Variants in PRRX1 observed in about 807,000 individuals in gnomAD.
The protein encoded by PRRX1 is paired related homeobox 1, also known as paired mesoderm homeobox protein 1.
In PRRX1, 8 loss-of-function variants were observed where a neutral mutation model predicts 24.0. That is an observed-to-expected ratio of 0.33 (90% confidence interval 0.20 to 0.60). The LOEUF (loss-of-function observed/expected upper bound fraction) is 0.60, where lower values mean the gene tolerates loss of function less well. Among genes scored for constraint, PRRX1 ranks in the 20% least tolerant of loss-of-function variants. The probability of loss-of-function intolerance (pLI) is 0.82; values close to 1 mark genes in which losing one functional copy is unlikely to be tolerated. For synonymous variants in PRRX1, 160 were observed against 131.7 expected (o/e 1.22, Z -1.47); for missense variants, 281 against 322.4 (o/e 0.87, Z 0.98).
intron 1 of PRRX1, chr1:170,669,402 T>C (rs1022415459): frequency 2.2e-5 from 2 of 90,930 alleles, no homozygotes; most frequent in African/African-American, 9.7e-5. Context: ...ACCAACAAGA[T>C]GTCACCTTCA....
At chr1:170,676,542 AT>A (rs1653326655) in intron 1 of PRRX1, among the ~76,000 whole-genome samples, 1 of 152,146 alleles carries the variant, frequency 6.6e-6, no homozygotes, top group Non-Finnish European at 1.5e-5. Context: ...GTCATAAAGA[AT>A]TAATAAAATT....
chr1:170,688,558 A>G (rs866642652), intron 1 of PRRX1, among the ~76,000 whole-genome samples: 44 of 152,284 alleles, frequency 2.9e-4, no homozygotes, highest in African/African-American at 9.6e-4. Context: ...TTTAAAAGGT[A>G]TGAATATTGA....
rs530805945 is a variant in PRRX1, at chr1:170,684,182, C to T, written c.241+19723C>T. On this transcript the variant is annotated intron_variant, in intron 1 of 3. Transcript: ENST00000239461. ...TTTTCCCTATCACTCAATGGTCCCTCGTGCTCTCAGGTGGCACCTGCTCAA... is the reference window on the plus strand; with the variant it reads ...TTTTCCCTATCACTCAATGGTCCCTTGTGCTCTCAGGTGGCACCTGCTCAA... Among the ~76,000 whole-genome samples the T allele has an allele frequency of 1.1e-4, 17 of 152,316 alleles. No individual in the cohort carries two copies. In the South Asian group the frequency reaches 3.3e-3, roughly 30 times the overall value.
At chr1:170,710,976 T>G (rs1387083996) in intron 1 of PRRX1, among the ~76,000 whole-genome samples, 1 of 152,224 alleles carries the variant, frequency 6.6e-6, no homozygotes, top group Non-Finnish European at 1.5e-5. Flanking sequence ...ATACAGAAAT[T>G]GAAAGCTTCA....
intron 3 of PRRX1, chr1:170,728,854 A>G (rs1285539180): frequency 6.6e-6 from 1 of 152,242 alleles, no homozygotes; most frequent in Non-Finnish European, 1.5e-5. Context: ...GATAGGAAAT[A>G]TTGTTAAGGA....
chr1:170,674,182 C>CCTCTCT (rs144071005), intron 1 of PRRX1, among the ~76,000 whole-genome samples: 1 of 149,462 alleles, frequency 6.7e-6, no homozygotes, highest in Non-Finnish European at 1.5e-5. Context: ...CTGCCTGATA[C>CCTCTCT]CTCTCTCTCT....
rs187691739 is a variant in PRRX1, at chr1:170,708,426, G to T, written c.242-11300G>T. Among the ~76,000 whole-genome samples, 134 of 152,190 alleles carry T rather than the reference G, an allele frequency of 8.8e-4. 1 individual carries two copies. Among genetic ancestry groups the T allele is most frequent in the African/African-American group, 3.0e-3 (126 of 41,514 alleles). ...CACCATATAATTAAGGCTTAGGTGT[G>T]GTTGACAGGCCGTAATGTTCCTGTA... On this transcript the variant is annotated intron_variant, in intron 1 of 3. Coordinates refer to ENST00000239461, the MANE Select transcript of PRRX1 (RefSeq NM_022716.4).
Position 170,719,827 on chromosome 1 carries a change from C to T in PRRX1, c.343C>T (p.Arg115Trp), listed in dbSNP as rs756620309. 17 of 1,614,040 alleles carry T rather than the reference C, an allele frequency of 1.1e-5. No homozygotes were observed. Among genetic ancestry groups the T allele is most frequent in the Middle Eastern group, 3.3e-4 (2 of 6,082 alleles). ...QLQALERVFE[R>W]THYPDAFVRE... ...GCAGGCTTTGGAGCGTGTCTTTGAG[C>T]GGACACACTATCCTGATGCTTTTGT... Residue 115 changes from arginine (R) to tryptophan (W), a missense_variant, in exon 2 of 4, where the codon CGG becomes TGG. Transcript: ENST00000239461.
At chr1:170,687,894 A>G (rs1653800480) in intron 1 of PRRX1, among the ~76,000 whole-genome samples, 1 of 152,194 alleles carries the variant, frequency 6.6e-6, no homozygotes, top group Non-Finnish European at 1.5e-5. Flanking sequence ...GGGGTCAAAG[A>G]GCAAGTGGCC....
chr1:170,679,133 G>A (rs1653420095), intron 1 of PRRX1, among the ~76,000 whole-genome samples: 1 of 152,148 alleles, frequency 6.6e-6, no homozygotes, highest in African/African-American at 2.4e-5. Flanking sequence ...CTCTTCAAAG[G>A]AGTACATACA....
chr1:170,736,544 CTATA>C lies in PRRX1; in HGVS notation c.*382_*385del, dbSNP rs61148079. 4,166 of 226,478 alleles carry C rather than the reference CTATA, an allele frequency of 0.018. 102 individuals carry two copies. Among genetic ancestry groups the C allele is most frequent in the African/African-American group, 0.07 (2,887 of 41,144 alleles). The allele number at this position is 226,478 out of a possible 1,614,324, so 14.0% of individuals were successfully genotyped here. A position where few individuals can be genotyped will look rare whatever the true frequency, so the allele number is the denominator to read the frequency against. On this transcript the variant is annotated 3_prime_UTR_variant, in exon 4 of 4. Coordinates refer to ENST00000239461, the MANE Select transcript of PRRX1 (RefSeq NM_022716.4). ...AAAAAAACTACAGCAGCCAAAGAAA[CTATA>C]TATATATATATATATATATATATCC...
chr1:170,701,221 T>C (rs1654348814), intron 1 of PRRX1, among the ~76,000 whole-genome samples: 1 of 152,220 alleles, frequency 6.6e-6, no homozygotes, highest in Non-Finnish European at 1.5e-5. Flanking sequence ...CTTTACAATA[T>C]ATATCCTCCA....
chr1:170,690,084 G>T (rs1653887308), intron 1 of PRRX1, among the ~76,000 whole-genome samples: 1 of 151,388 alleles, frequency 6.6e-6, no homozygotes, highest in Non-Finnish European at 1.5e-5. Context: ...CTAGCATTTG[G>T]TTAGCATTTC....
intron 1 of PRRX1, among the ~76,000 whole-genome samples, chr1:170,691,451 C>CTTTCT (rs1653945597): frequency 1.2e-5 from 1 of 83,848 alleles, no homozygotes; most frequent in Non-Finnish European, 2.6e-5. Flanking sequence ...ATTTCCTTTC[C>CTTTCT]TTTCCTTTCC....
intron 1 of PRRX1, among the ~76,000 whole-genome samples, chr1:170,709,535 C>G (rs115524649): frequency 6.6e-6 from 1 of 152,284 alleles, no homozygotes; most frequent in African/African-American, 2.4e-5. Context: ...TGTCCTCCTT[C>G]CTGGCCCGTT....
intron 3 of PRRX1, chr1:170,727,399 G>T (rs1361769270): frequency 6.6e-6 from 1 of 152,124 alleles, no homozygotes; most frequent in Non-Finnish European, 1.5e-5. Flanking sequence ...CTCCCTGGCT[G>T]ATTTCAGTGG....
Position 170,692,739 on chromosome 1 carries a change from TCTCACA to T in PRRX1, c.242-26985_242-26980del, listed in dbSNP as rs1654035351. Among the ~76,000 whole-genome samples the T allele has an allele frequency of 2.1e-5, 3 of 141,432 alleles. No homozygotes were observed. In the East Asian group the frequency reaches 6.0e-4, roughly 28 times the overall value. 92.8% of individuals were successfully genotyped at this position (141,432 alleles called of 152,430 possible). On this transcript the variant is annotated intron_variant, in intron 1 of 3. Transcript: ENST00000239461. ...CTCTCTCTCTCTCTCTCTCTCTCTCTCTCACACACACACACACACACACAGACACAC... is the reference window on the plus strand; with the variant it reads ...CTCTCTCTCTCTCTCTCTCTCTCTCTCACACACACACACACACAGACACAC...
At chr1:170,732,630 T>G (rs931704588) in intron 3 of PRRX1, among the ~76,000 whole-genome samples, 2 of 152,214 alleles carry the variant, frequency 1.3e-5, no homozygotes, top group African/African-American at 4.8e-5. Flanking sequence ...CAAAATATTA[T>G]TGGAATCCCT....
intron 1 of PRRX1, among the ~76,000 whole-genome samples, chr1:170,703,095 T>G (rs1389957797): frequency 6.6e-6 from 1 of 152,190 alleles, no homozygotes; most frequent in Non-Finnish European, 1.5e-5. Context: ...TATCAAGAAG[T>G]TTATCTGTCT....
Sources: gnomAD v4.1 joint callset for allele counts (sites outside exome capture counted in the v4.1 genomes callset) on GRCh38, gnomAD v4.1.1 for gene constraint, MANE v1.5 for transcripts, NCBI Gene and HGNC (gene_info 2026-07-23, HGNC 2026-07-21) for gene names.